The following ADAM12 variants were observed in gnomAD, a reference collection of about 807,000 sequenced individuals.
ADAM12 encodes ADAM metallopeptidase domain 12.
In ADAM12, 70 loss-of-function variants were observed where a neutral mutation model predicts 106.4. The ratio of observed to expected loss-of-function variants is 0.66; its 90% CI spans 0.54 to 0.80. ADAM12 has a LOEUF of 0.80. Among genes scored for constraint, ADAM12 ranks in the 30% least tolerant of loss-of-function variants. The pLI is 0.00. For missense variants in ADAM12, 1,010 were observed against 1,171.9 expected (o/e 0.86, Z 2.02); for synonymous variants, 420 against 433.5 (o/e 0.97, Z 0.39).
intron 21 of ADAM12, among the ~76,000 whole-genome samples, chr10:126,028,795 A>AC (rs1356251456): frequency 2.0e-5 from 3 of 151,704 alleles, no homozygotes; most frequent in African/African-American, 7.3e-5. Flanking sequence ...ACGGGATCTA[A>AC]TTAAAGAGTG....
At chr10:126,375,474 T>C (rs1856254672) in intron 1 of ADAM12, among the ~76,000 whole-genome samples, 1 of 152,056 alleles carries the variant, frequency 6.6e-6, no homozygotes, top group African/African-American at 2.4e-5. Flanking sequence ...CATGGTTAGC[T>C]TGTAATTGTT....
chr10:126,092,293 C>G (rs927139224), intron 11 of ADAM12, among the ~76,000 whole-genome samples: 17 of 152,126 alleles, frequency 1.1e-4, no homozygotes, highest in African/African-American at 4.1e-4. Context: ...AGTGAGAAAA[C>G]ACGAAGGCCA....
Position 126,049,132 on chromosome 10 carries a change from T to G in ADAM12, c.1917+121A>C. 3 of 1,247,016 alleles carry G rather than the reference T, an allele frequency of 2.4e-6. No individual in the cohort carries two copies. The highest frequency in any genetic ancestry group is 3.4e-6 in the Non-Finnish European group (3 of 877,120). 77.2% of individuals were successfully genotyped at this position (1,247,016 alleles called of 1,614,324 possible). A position where few individuals can be genotyped will look rare whatever the true frequency, so the allele number is the denominator to read the frequency against. ...GGATTTATTGACTTTTTCTTCTAGG[T>G]GCATCTGAGAAGAAGTAGATTTAGG... On this transcript the variant is annotated intron_variant, in intron 16 of 22. Transcript: ENST00000448723. The surrounding 1 kb of genome is among the most constrained non-coding windows in gnomAD (Gnocchi z 4.4).
At chr10:126,261,653 T>C (rs1188481727) in intron 3 of ADAM12, among the ~76,000 whole-genome samples, 1 of 152,126 alleles carries the variant, frequency 6.6e-6, no homozygotes, top group Non-Finnish European at 1.5e-5. Context: ...GTTTGTTAAA[T>C]GAATAAGCAA....
intron 3 of ADAM12, among the ~76,000 whole-genome samples, chr10:126,197,887 C>T (rs537384918): frequency 1.6e-4 from 25 of 152,124 alleles, no homozygotes; most frequent in Non-Finnish European, 2.9e-4. Flanking sequence ...CCCCAGACAG[C>T]GGGTGGTACG....
At chr10:126,342,825 G>A (rs1055665694) in intron 1 of ADAM12, among the ~76,000 whole-genome samples, 1 of 152,054 alleles carries the variant, frequency 6.6e-6, no homozygotes, top group East Asian at 1.9e-4. Flanking sequence ...TGTCATCCAA[G>A]GGAGCAGTTT....
chr10:126,042,076 G>T, intron 18 of ADAM12: 2 of 1,589,342 alleles, frequency 1.3e-6, no homozygotes, highest in South Asian at 2.3e-5. Context: ...AGGCCTTGGG[G>T]ACGCGTGACC....
intron 21 of ADAM12, among the ~76,000 whole-genome samples, chr10:126,033,757 G>A (rs989229724): frequency 1.3e-5 from 2 of 152,144 alleles, no homozygotes; most frequent in South Asian, 4.1e-4. Context: ...CAGAGACTAT[G>A]GGTAGAACTT....
intron 12 of ADAM12, 123 bp downstream of exon 12, chr10:126,071,354 A>G: frequency 8.3e-7 from 1 of 1,201,478 alleles, no homozygotes; most frequent in Non-Finnish European, 1.2e-6. Flanking sequence ...ATGGGCAGAT[A>G]GGACTCTTCC....
chr10:126,307,589 G>A (rs1041049068), intron 2 of ADAM12, among the ~76,000 whole-genome samples: 9 of 152,080 alleles, frequency 5.9e-5, no homozygotes, highest in African/African-American at 1.7e-4. Flanking sequence ...TGCCCAGGCT[G>A]GAGTGCAGTG....
At chr10:126,197,768 C>A (rs1334584583) in intron 3 of ADAM12, among the ~76,000 whole-genome samples, 2 of 152,128 alleles carry the variant, frequency 1.3e-5, no homozygotes, top group African/African-American at 4.8e-5. Context: ...AGTAAAGATA[C>A]TTAGGTGGCC....
At chr10:126,217,605 A>C (rs1187445884) in intron 3 of ADAM12, among the ~76,000 whole-genome samples, 2 of 150,422 alleles carry the variant, frequency 1.3e-5, no homozygotes, top group African/African-American at 4.9e-5. Flanking sequence ...GACCTCAGAT[A>C]ATCTGCCTGC....
intron 2 of ADAM12, among the ~76,000 whole-genome samples, chr10:126,324,898 G>A (rs918285961): frequency 5.3e-5 from 8 of 151,910 alleles, no homozygotes; most frequent in Non-Finnish European, 4.4e-5. Context: ...GACAAAAGCC[G>A]AAGTTATTGT....
intron 2 of ADAM12, among the ~76,000 whole-genome samples, chr10:126,300,110 T>C (rs891284636): frequency 2.6e-5 from 4 of 152,240 alleles, no homozygotes; most frequent in Admixed American, 1.3e-4. Context: ...GATGCGAGCA[T>C]GCAACGTTCT....
chr10:126,329,809 G>A lies in ADAM12; in HGVS notation c.186+603C>T, dbSNP rs1452415831. Among the ~76,000 whole-genome samples the A allele has an allele frequency of 3.3e-5, 5 of 152,094 alleles. No homozygotes were observed. The East Asian group carries it at 9.6e-4, about 29-fold the overall frequency. On this transcript the variant is annotated intron_variant, in intron 2 of 22. Transcript: ENST00000448723. The stretch of plus-strand genomic sequence containing the variant: ...AAGCCATCTGTATGATCTCTTCAAA[G>A]AGCTCATATTTCCATAGATTTTTAT...
chr10:126,157,356 G>C (rs908679048), intron 3 of ADAM12, among the ~76,000 whole-genome samples: 20 of 152,206 alleles, frequency 1.3e-4, no homozygotes, highest in African/African-American at 4.8e-4. Flanking sequence ...CTGGAGCTGG[G>C]TTTTGCAACC....
chr10:126,071,373 T>C, intron 12 of ADAM12, 104 bp downstream of exon 12: 1 of 1,397,516 alleles, frequency 7.2e-7, no homozygotes, highest in South Asian at 1.4e-5. Context: ...CCTTCCTGAG[T>C]TCTAGTACTT....
intron 21 of ADAM12, among the ~76,000 whole-genome samples, chr10:126,024,468 A>G (rs913056264): frequency 3.9e-5 from 6 of 152,216 alleles, no homozygotes; most frequent in Non-Finnish European, 5.9e-5. Flanking sequence ...AAGAGAATAT[A>G]TAGACTATTT....
intron 5 of ADAM12, among the ~76,000 whole-genome samples, chr10:126,130,184 T>C (rs553815661): frequency 1.0e-5 from 1 of 95,610 alleles, no homozygotes; most frequent in South Asian, 3.2e-4. Flanking sequence ...GCTACTCTAG[T>C]TGCATTTTTT....
Sources: gnomAD v4.1 joint callset for allele counts (sites outside exome capture counted in the v4.1 genomes callset) on GRCh38, gnomAD v4.1.1 for gene constraint, Gnocchi (gnomAD v3.1) non-coding constraint, MANE v1.5 for transcripts, NCBI Gene and HGNC (gene_info 2026-07-23, HGNC 2026-07-21) for gene names.